TSPAN14: variants seen among roughly 807,000 people sequenced by gnomAD.
The protein encoded by TSPAN14 is tetraspanin 14.
A neutral mutation model predicts 36.6 loss-of-function variants in TSPAN14; 16 were observed. That is an observed-to-expected ratio of 0.44 (90% CI 0.30 to 0.66). The LOEUF (loss-of-function observed/expected upper bound fraction) is 0.66, where lower values mean the gene tolerates loss of function less well. Among genes scored for constraint, TSPAN14 ranks in the 30% least tolerant of loss-of-function variants. The pLI is 0.12. For missense variants in TSPAN14, 231 were observed against 355.1 expected (o/e 0.65, Z 2.81); for synonymous variants, 139 against 143.8 (o/e 0.97, Z 0.24).
At chr10:80,466,494 C>T (rs935524294) in intron 1 of TSPAN14, 1 of 152,210 alleles carries the variant, frequency 6.6e-6, no homozygotes, top group African/African-American at 2.4e-5. Context: ...CTTCTGGGTT[C>T]AAGCTGTCCG....
At chr10:80,501,057 C>T (rs1304735669) in intron 2 of TSPAN14, among the ~76,000 whole-genome samples, 7 of 151,908 alleles carry the variant, frequency 4.6e-5, no homozygotes, top group Non-Finnish European at 8.8e-5. Flanking sequence ...AAAACAGCAC[C>T]TCAGCGTGAA....
intron 3 of TSPAN14, 70 bp downstream of exon 3, chr10:80,504,848 C>T: frequency 6.6e-7 from 1 of 1,510,340 alleles, no homozygotes; most frequent in Non-Finnish European, 9.2e-7. Flanking sequence ...TTCATTTTCC[C>T]TCCTCCAATC....
exon 9 of TSPAN14, chr10:80,518,016 G>A (rs1414274710): frequency 3.9e-6 from 6 of 1,547,760 alleles, no homozygotes; most frequent in Admixed American, 3.9e-5. Context: ...CACGCTGGGA[G>A]GCCAGAGCCT....
chr10:80,464,991 C>A (rs1307613536), intron 1 of TSPAN14, among the ~76,000 whole-genome samples: 1 of 152,172 alleles, frequency 6.6e-6, no homozygotes, highest in Non-Finnish European at 1.5e-5. Flanking sequence ...TTGAGCCACT[C>A]CAAGGCCCAT....
At chr10:80,488,097 C>A (rs182453935) in intron 1 of TSPAN14, among the ~76,000 whole-genome samples, 1 of 152,134 alleles carries the variant, frequency 6.6e-6, no homozygotes, top group Non-Finnish European at 1.5e-5. Context: ...TGTCTCCTTT[C>A]GCCTTGGGCT....
At chr10:80,489,500 AG>A (rs1389651010) in intron 2 of TSPAN14, among the ~76,000 whole-genome samples, 186 bp downstream of exon 2, 4 of 152,222 alleles carry the variant, frequency 2.6e-5, no homozygotes, top group African/African-American at 9.6e-5. Flanking sequence ...CCAAAGGCCG[AG>A]GTGATTGAAA....
intron 2 of TSPAN14, among the ~76,000 whole-genome samples, chr10:80,502,362 G>A (rs1245146468): frequency 2.0e-5 from 3 of 152,166 alleles, no homozygotes; most frequent in Admixed American, 2.0e-4. Flanking sequence ...TTCGAGGAGG[G>A]GAGTTCCCAG....
intron 1 of TSPAN14, among the ~76,000 whole-genome samples, chr10:80,470,677 C>A (rs1846495801): frequency 6.6e-6 from 1 of 152,196 alleles, no homozygotes; most frequent in Admixed American, 6.5e-5. Flanking sequence ...CCTGTAACAG[C>A]CAGCTTTTAA....
exon 9 of TSPAN14, chr10:80,522,292 C>G (rs969772603): frequency 6.6e-6 from 1 of 152,216 alleles, no homozygotes; most frequent in Non-Finnish European, 1.5e-5. Flanking sequence ...AGGCAGATCA[C>G]TTGAGGCCAG....
chr10:80,481,158 A>G (rs1412913990), intron 1 of TSPAN14, among the ~76,000 whole-genome samples: 1 of 152,118 alleles, frequency 6.6e-6, no homozygotes, highest in Non-Finnish European at 1.5e-5. Flanking sequence ...TGGATGTGAA[A>G]AACTTGCCTT....
At chr10:80,487,699 A>G (rs1247843663) in intron 1 of TSPAN14, among the ~76,000 whole-genome samples, 4 of 132,012 alleles carry the variant, frequency 3.0e-5, no homozygotes, top group African/African-American at 1.2e-4. Flanking sequence ...TCATTCTTGG[A>G]GGCAAGTTTT....
At chr10:80,461,597 A>G (rs988646274) in intron 1 of TSPAN14, among the ~76,000 whole-genome samples, 15 of 151,836 alleles carry the variant, frequency 9.9e-5, no homozygotes, top group African/African-American at 3.1e-4. Context: ...TGTGCCCAGG[A>G]TGGGGTGGGG....
chr10:80,478,682 T>A (rs1847065478), intron 1 of TSPAN14, among the ~76,000 whole-genome samples: 1 of 152,196 alleles, frequency 6.6e-6, no homozygotes, highest in Non-Finnish European at 1.5e-5. Flanking sequence ...GGGGGAGTGA[T>A]GCCTTCATCA....
intron 2 of TSPAN14, among the ~76,000 whole-genome samples, chr10:80,491,819 A>G (rs1030117199): frequency 3.0e-4 from 45 of 152,214 alleles, no homozygotes; most frequent in Admixed American, 1.0e-3. Flanking sequence ...ACAAACAGGA[A>G]CAGTCAGGAA....
chr10:80,503,031 C>A (rs1297520901), intron 2 of TSPAN14, among the ~76,000 whole-genome samples: 1 of 152,082 alleles, frequency 6.6e-6, no homozygotes, highest in Non-Finnish European at 1.5e-5. Context: ...CCAGCTGTGA[C>A]CAATGAGGTC....
intron 3 of TSPAN14, among the ~76,000 whole-genome samples, chr10:80,505,321 G>T (rs947899451): frequency 6.6e-6 from 1 of 152,184 alleles, no homozygotes; most frequent in Non-Finnish European, 1.5e-5. Context: ...TGCAGTTGCG[G>T]CTCCAGGAAG....
intron 1 of TSPAN14, among the ~76,000 whole-genome samples, chr10:80,467,143 A>G (rs1210019312): frequency 1.3e-5 from 2 of 152,040 alleles, no homozygotes; most frequent in African/African-American, 4.8e-5. Flanking sequence ...TTAGTCTTAT[A>G]ATCTCTATTT....
At chr10:80,514,190 C>T in intron 7 of TSPAN14, 127 bp downstream of exon 7, 1 of 841,598 alleles carries the variant, frequency 1.2e-6, no homozygotes, top group South Asian at 1.6e-5. Flanking sequence ...CTTGATGCCA[C>T]CTAAGCTGAG....
At chr10:80,488,904 TC>T (rs1847770820) in intron 1 of TSPAN14, among the ~76,000 whole-genome samples, 1 of 152,096 alleles carries the variant, frequency 6.6e-6, no homozygotes, top group Admixed American at 6.5e-5. Context: ...AAAAATCAAT[TC>T]CCAATCGAGA....
Sources: gnomAD v4.1 joint callset for allele counts (sites outside exome capture counted in the v4.1 genomes callset) on GRCh38, gnomAD v4.1.1 for gene constraint, MANE v1.5 for transcripts, NCBI Gene and HGNC (gene_info 2026-07-23, HGNC 2026-07-21) for gene names.